ALOX5: variants seen among roughly 807,000 people sequenced by gnomAD.
ALOX5 encodes the protein arachidonate 5-lipoxygenase.
In ALOX5, 64 loss-of-function variants were observed where a neutral mutation model predicts 87.9. The observed-to-expected ratio is 0.73, with a 90% confidence interval of 0.60 to 0.90. The LOEUF is 0.90. ALOX5 is among the 40% of genes least tolerant of loss of function. ALOX5 has a pLI of 0.00. For missense variants in ALOX5, 822 were observed against 907.5 expected, an observed-to-expected ratio of 0.91 and a Z score of 1.21; for synonymous variants, 388 against 355.1, an observed-to-expected ratio of 1.09 and a Z score of -1.04.
At chr10:45,444,323 C>T in intron 13 of ALOX5, 37 bp downstream of exon 13, 10 of 1,524,326 alleles carry the variant, frequency 6.6e-6, no homozygotes, top group Non-Finnish European at 8.8e-6. Context: ...CCCCAGGTCA[C>T]CCCAGGTTAA....
At chr10:45,386,346 G>T (rs931259832) in intron 2 of ALOX5, among the ~76,000 whole-genome samples, 1 of 151,584 alleles carries the variant, frequency 6.6e-6, no homozygotes, top group Non-Finnish European at 1.5e-5. Context: ...TGTGCCTATA[G>T]TCCCAACTAC....
At chr10:45,387,074 G>GAC (rs1299373940) in intron 2 of ALOX5, among the ~76,000 whole-genome samples, 1 of 152,160 alleles carries the variant, frequency 6.6e-6, no homozygotes, top group Non-Finnish European at 1.5e-5. Context: ...GCCGTGTGGA[G>GAC]GGCTTTCCTG....
intron 2 of ALOX5, among the ~76,000 whole-genome samples, chr10:45,394,803 A>T (rs984453088): frequency 1.3e-5 from 2 of 152,266 alleles, no homozygotes; most frequent in African/African-American, 4.8e-5. Context: ...AAGGATATGA[A>T]CAGACACTTC....
chr10:45,386,574 C>G (rs952692979), intron 2 of ALOX5, among the ~76,000 whole-genome samples: 34 of 151,282 alleles, frequency 2.2e-4, no homozygotes, highest in African/African-American at 4.6e-4. Context: ...GACTTTTGCA[C>G]CTAATAAGAA....
intron 3 of ALOX5, among the ~76,000 whole-genome samples, chr10:45,404,801 G>A (rs1290763750): frequency 6.6e-6 from 1 of 152,190 alleles, no homozygotes; most frequent in Non-Finnish European, 1.5e-5. Context: ...AAGAAGTAGA[G>A]TTGCAGGGTT....
intron 2 of ALOX5, among the ~76,000 whole-genome samples, chr10:45,391,486 C>T (rs934444618): frequency 1.2e-4 from 19 of 152,172 alleles, no homozygotes; most frequent in Non-Finnish European, 2.4e-4. Flanking sequence ...CCCAAAGTGC[C>T]GAGATTGCAG....
chr10:45,428,957 T>G (rs1841826402), intron 7 of ALOX5, among the ~76,000 whole-genome samples, 193 bp downstream of exon 7: 1 of 152,022 alleles, frequency 6.6e-6, no homozygotes, highest in African/African-American at 2.4e-5. Flanking sequence ...GAGAAGCCCC[T>G]GGCCAGTCGA....
Position 45,445,666 on chromosome 10 carries a change from T to C in ALOX5, c.2004T>C (p.Ile668=), listed in dbSNP as rs755761442. ...LPYYYLSPDR[I]PNSVAI is the part of the protein sequence containing the mutation. Reference sequence around the variant, plus strand: ...ATTACTACTTGTCCCCAGACCGGATTCCGAACAGTGTGGCCATCTGAGCAC... The same window carrying C: ...ATTACTACTTGTCCCCAGACCGGATCCCGAACAGTGTGGCCATCTGAGCAC... Residue 668 remains isoleucine, a synonymous_variant, in exon 14 of 14, where the codon ATT becomes ATC. Transcript: ENST00000374391. 6.2e-7 allele frequency: 1 copy of C among 1,613,786 alleles called. No homozygotes were observed. Among genetic ancestry groups the C allele is most frequent in the East Asian group, 2.2e-5 (1 of 44,872 alleles).
At chr10:45,408,642 C>T (rs1039075618) in intron 3 of ALOX5, among the ~76,000 whole-genome samples, 2 of 152,064 alleles carry the variant, frequency 1.3e-5, no homozygotes, top group African/African-American at 4.8e-5. Flanking sequence ...GCCTGAATTC[C>T]AAGAGGAGGA....
chr10:45,441,701 G>A, intron 9 of ALOX5: 1 of 466,172 alleles, frequency 2.1e-6, no homozygotes. Flanking sequence ...CTGGGACCTG[G>A]GTGTAGACCC....
At chr10:45,386,606 A>C (rs1449699175) in intron 2 of ALOX5, among the ~76,000 whole-genome samples, 1 of 152,046 alleles carries the variant, frequency 6.6e-6, no homozygotes, top group East Asian at 1.9e-4. Context: ...TGGATTTTGA[A>C]TATCTTTGGG....
At chr10:45,401,504 T>C (rs1391673022) in intron 3 of ALOX5, among the ~76,000 whole-genome samples, 1 of 152,244 alleles carries the variant, frequency 6.6e-6, no homozygotes, top group African/African-American at 2.4e-5. Context: ...TTTGGGATTG[T>C]GCTATATATA....
rs560949647 is a variant in ALOX5, at chr10:45,432,957, G to A, written c.981+4193G>A. ...ACACAGGTAGCTCCTTTACATTGAC[G>A]GGAAAATACCAATACTCCAGTGGAA... On this transcript the variant is annotated intron_variant, in intron 7 of 13. Coordinates refer to ENST00000374391, the MANE Select transcript of ALOX5 (RefSeq NM_000698.5). Among the ~76,000 whole-genome samples the A allele has an allele frequency of 4.6e-5, 7 of 152,202 alleles. No individual in the cohort carries two copies. In the South Asian group the frequency reaches 1.0e-3, roughly 23 times the overall value.
rs201465951 is a variant in ALOX5 at position 45,443,130 on chromosome 10, C to G, written c.1365C>G (p.Ile455Met). The G allele has an allele frequency of 1.4e-5, 22 of 1,613,892 alleles. No individual in the cohort carries two copies. The African/African-American group carries it at 2.4e-4, about 18-fold the overall frequency. Reference protein sequence around the residue: ...TYASLCFPEAIKARGMESKED... With the variant: ...TYASLCFPEAMKARGMESKED... ...CCTCCCTGTGCTTTCCCGAGGCCAT[C>G]AAGGCCCGGGGCATGGAGAGCAAAG... The change falls in exon 10 of 14, where the codon ATC (isoleucine) becomes ATG (methionine). Residue 455 changes from isoleucine (I) to methionine (M), a missense_variant. Ile to Met is a conservative substitution (Grantham distance 10, BLOSUM62 1). Coordinates refer to ENST00000374391, the MANE Select transcript of ALOX5 (RefSeq NM_000698.5).
intron 3 of ALOX5, among the ~76,000 whole-genome samples, chr10:45,409,509 GTCTCTC>G (rs71515351): frequency 1.0e-4 from 13 of 129,820 alleles, no homozygotes; most frequent in Admixed American, 4.5e-4. Flanking sequence ...CTGTCTGTCT[GTCTCTC>G]TCTCTCTCTC....
At position 45,375,184 on chromosome 10, in the gene ALOX5, ACTCC is replaced by A. The variant is rs371274051; in HGVS notation, c.150+761_150+764del. On this transcript the variant is annotated intron_variant, in intron 1 of 13. Transcript: ENST00000374391. ...GGCTTTTCCTAAATGGAGGGGCTGC[ACTCC>A]CTCCCAGCAGAATGTACACCAGGGA... is the stretch of plus-strand genomic sequence containing the variant. Among the ~76,000 whole-genome samples the A allele has an allele frequency of 6.3e-4, 95 of 151,982 alleles. 2 individuals are homozygous for A. The highest frequency in any genetic ancestry group is 1.9e-3 in the African/African-American group (77 of 41,448).
At chr10:45,412,687 A>G (rs1463832427) in intron 4 of ALOX5, among the ~76,000 whole-genome samples, 4 of 152,180 alleles carry the variant, frequency 2.6e-5, no homozygotes, top group African/African-American at 9.7e-5. Context: ...AGAATGGCCA[A>G]ATTGCCAGTG....
chr10:45,423,083 TG>T (rs1841564079), intron 4 of ALOX5, among the ~76,000 whole-genome samples: 1 of 152,124 alleles, frequency 6.6e-6, no homozygotes. Context: ...GCCATCACAC[TG>T]GGGGTCAGGG....
Position 45,418,167 on chromosome 10 carries a change from CG to C in ALOX5, c.554+5859del, listed in dbSNP as rs1222330415. ...AGTGGATGGAGACCCTTGAGTTCTG[CG>C]GGGGAGAGAAGAGGTGTCCCTGTAT... On this transcript the variant is annotated intron_variant, in intron 4 of 13. Coordinates refer to ENST00000374391, the MANE Select transcript of ALOX5 (RefSeq NM_000698.5). Among the ~76,000 whole-genome samples the C allele has an allele frequency of 2.0e-5, 3 of 152,056 alleles. No homozygotes were observed. In the East Asian group the frequency reaches 5.8e-4, roughly 29 times the overall value.
Sources: gnomAD v4.1 joint callset for allele counts (sites outside exome capture counted in the v4.1 genomes callset) on GRCh38, gnomAD v4.1.1 for gene constraint, MANE v1.5 for transcripts, NCBI Gene and HGNC (gene_info 2026-07-23, HGNC 2026-07-21) for gene names.